MED16: variants seen among roughly 807,000 people sequenced by gnomAD.
MED16 encodes the protein mediator of RNA polymerase II transcription subunit 16.
Under a neutral mutation model 84.4 loss-of-function variants are expected in MED16, and 81 were observed. The ratio of observed to expected loss-of-function variants is 0.96; its 90% CI spans 0.80 to 1.15. The LOEUF (loss-of-function observed/expected upper bound fraction) is 1.15. Among genes scored for constraint, MED16 ranks in the 50% most tolerant of loss-of-function variants. MED16 has a pLI of 0.00. For synonymous variants in MED16, 897 were observed against 552.2 expected, an observed-to-expected ratio of 1.62 and a Z score of -8.76; for missense variants, 1,585 against 1,245.9, an observed-to-expected ratio of 1.27 and a Z score of -4.10.
At chr19:873,415 G>A in intron 11 of MED16, 34 bp downstream of exon 11, 2 of 1,591,286 alleles carry the variant, frequency 1.3e-6, no homozygotes, top group Non-Finnish European at 1.7e-6. Context: ...GGGCCCAGGT[G>A]GGGGGCGGGG....
chr19:886,413 G>A (rs2036529278), intron 4 of MED16, among the ~76,000 whole-genome samples: 1 of 152,246 alleles, frequency 6.6e-6, no homozygotes, highest in Non-Finnish European at 1.5e-5. Flanking sequence ...CGGCACCTTT[G>A]CTTTAGAGGA....
intron 9 of MED16, among the ~76,000 whole-genome samples, chr19:875,998 C>T (rs1389462185): frequency 6.6e-6 from 1 of 152,226 alleles, no homozygotes; most frequent in East Asian, 1.9e-4. Flanking sequence ...CACACAGCGA[C>T]GGCCCAAGGA....
Position 885,805 on chromosome 19 carries a change from G to C in MED16, c.844C>G (p.His282Asp), listed in dbSNP as rs758891329. 1.8e-5 allele frequency: 29 copies of C among 1,612,336 alleles called. No homozygotes were observed. The highest frequency in any genetic ancestry group is 2.5e-5 in the Non-Finnish European group (29 of 1,179,912). ...ATGTCCCGGGCCAGGAACTTGAGGT[G>C]GGTGATGGCGGGAAACTTGTCCTTG... Reference protein sequence around the residue: ...NRKDKFPAITHLKFLARDMSE... With the variant: ...NRKDKFPAITDLKFLARDMSE... The change falls in exon 5 of 16, where the codon CAC (histidine) becomes GAC (aspartate). Residue 282 changes from histidine to aspartate, a missense_variant. Transcript: ENST00000325464.
At position 868,100 on chromosome 19, in the gene MED16, G is replaced by A. The variant is rs144537136; in HGVS notation, c.*1C>T. 272 of 1,605,740 alleles carry A rather than the reference G, an allele frequency of 1.7e-4. No individual in the cohort carries two copies. Among genetic ancestry groups the A allele is most frequent in the East Asian group, 2.9e-4 (13 of 44,860 alleles). ...ACAAGGTCCGCCTGGACCCCCGGCC[G>A]TCACGGACGGTCCTCTGGATGCAGA... On this transcript the variant is annotated 3_prime_UTR_variant, in exon 16 of 16. Transcript: ENST00000325464.
chr19:886,120 C>G lies in MED16; in HGVS notation c.529G>C (p.Glu177Gln), dbSNP rs1327045966. ...SLTLFGGKPM[E>Q]GWIAVTVSGL... Reference sequence around the variant, plus strand: ...CTGACCGTCACCGCGATCCAGCCCTCCATGGGCTTGCCGCCGAACAGCGTG... The same window carrying G: ...CTGACCGTCACCGCGATCCAGCCCTGCATGGGCTTGCCGCCGAACAGCGTG... Residue 177 changes from glutamate to glutamine, a missense_variant, in exon 5 of 16, where the codon GAG (glutamate) becomes CAG (glutamine). Transcript: ENST00000325464. 4.4e-6 allele frequency: 7 copies of G among 1,577,704 alleles called. No homozygotes were observed. The highest frequency in any genetic ancestry group is 6.0e-6 in the Non-Finnish European group (7 of 1,165,324).
rs145483089 is a variant in MED16, at chr19:875,350, G to A, written c.1665C>T (p.Ala555=). The A allele has an allele frequency of 1.9e-4, 301 of 1,610,332 alleles. No homozygotes were observed. The highest frequency in any genetic ancestry group is 2.3e-4 in the Non-Finnish European group (277 of 1,179,808). The change falls in exon 10 of 16, where the codon GCC becomes GCT. Residue 555 remains alanine (A), a synonymous_variant. Coordinates refer to ENST00000325464, the MANE Select transcript of MED16 (RefSeq NM_005481.3). ...GCAGCGACTTCAGGGTGGAGCTGATGGCGATGAGGAAGAGCTTGGTGTGGT... is the reference window on the plus strand; with the variant it reads ...GCAGCGACTTCAGGGTGGAGCTGATAGCGATGAGGAAGAGCTTGGTGTGGT... The part of the protein sequence containing the change: ...CDYHTKLFLI[A]ISSTLKSLLR...
At chr19:890,471 G>C in intron 2 of MED16, 1 of 448,536 alleles carries the variant, frequency 2.2e-6, no homozygotes, top group Non-Finnish European at 4.0e-6. Context: ...AGAAGAAAAT[G>C]ACTCCGAAAT....
rs1357331086 is a variant in MED16, at chr19:871,174, G to A, written c.2178C>T (p.Ile726=). 6.5e-6 allele frequency: 10 copies of A among 1,549,324 alleles called. No homozygotes were observed. In the Admixed American group the frequency reaches 7.8e-5, roughly 12 times the overall value. Residue 726 remains isoleucine, a synonymous_variant, in exon 13 of 16, where the codon ATC becomes ATT. Transcript: ENST00000325464. The part of the protein sequence containing the change: ...ECCLLPSQLL[I]PSLDWLPASD... ...TGGCTGGCAGCCAGTCCAGGCTGGGGATAAGCAGCTGGCTGGGCAGCAGGC... is the reference window on the plus strand; with the variant it reads ...TGGCTGGCAGCCAGTCCAGGCTGGGAATAAGCAGCTGGCTGGGCAGCAGGC...
chr19:868,976 G>A (rs868462682), intron 13 of MED16, 30 bp from the exon 14 acceptor site: 2 of 1,516,112 alleles, frequency 1.3e-6, no homozygotes, highest in East Asian at 2.5e-5. Context: ...CGTGAGGGAG[G>A]CCTGGGCACC....
chr19:886,264 C>T, intron 4 of MED16, 63 bp from the exon 5 acceptor site: 1 of 1,378,018 alleles, frequency 7.3e-7, no homozygotes, highest in Non-Finnish European at 9.6e-7. Flanking sequence ...CCCATGACCC[C>T]CAGAAACACG....
chr19:886,249 G>A (rs757852933), intron 4 of MED16, 48 bp from the exon 5 acceptor site: 36 of 1,429,270 alleles, frequency 2.5e-5, no homozygotes, highest in Non-Finnish European at 3.1e-5. Context: ...GCTCATGGGG[G>A]CTGCCCCATG....
At chr19:874,130 TTGAGACAGAGTCTCACTCTGTC>T (rs202050513) in intron 10 of MED16, among the ~76,000 whole-genome samples, 9,604 of 152,006 alleles carry the variant, frequency 0.063, 323 homozygotes, top group Non-Finnish European at 0.078. Context: ...AATTTTTTTT[TTGAGACAGAGTCTCACTCTGTC>T]GCCCAGGCTG....
chr19:885,673 C>T (rs991201104), intron 5 of MED16, 97 bp downstream of exon 5: 1 of 1,391,162 alleles, frequency 7.2e-7, no homozygotes, highest in Non-Finnish European at 9.8e-7. Flanking sequence ...CACGGTTTAG[C>T]CCGTGGAGGC....
intron 8 of MED16, 116 bp from the exon 9 acceptor site, chr19:877,296 G>A (rs941930057): frequency 3.1e-5 from 22 of 714,034 alleles, no homozygotes; most frequent in South Asian, 5.2e-5. Context: ...GCGCACGCCC[G>A]TGTGTGGGCC....
intron 9 of MED16, among the ~76,000 whole-genome samples, chr19:875,923 G>A (rs1053703080): frequency 3.9e-5 from 6 of 152,172 alleles, no homozygotes; most frequent in African/African-American, 1.2e-4. Context: ...GAGAGCCTGT[G>A]CAACGTAGGA....
At chr19:885,749 T>C (rs747218700) in intron 5 of MED16, 21 bp downstream of exon 5, 4 of 1,597,336 alleles carry the variant, frequency 2.5e-6, no homozygotes, top group Admixed American at 3.3e-5. Flanking sequence ...CCAGCCCACG[T>C]GATGGCCTGC....
intron 6 of MED16, among the ~76,000 whole-genome samples, chr19:883,186 G>A (rs2036454915): frequency 6.6e-6 from 1 of 152,240 alleles, no homozygotes; most frequent in African/African-American, 2.4e-5. Flanking sequence ...TGCTAAGTGG[G>A]GATGTGGGGC....
intron 4 of MED16, among the ~76,000 whole-genome samples, chr19:887,415 C>T (rs1438613153): frequency 1.3e-5 from 2 of 152,018 alleles, no homozygotes; most frequent in African/African-American, 4.8e-5. Context: ...CGCCTGTAAT[C>T]TCAGCACTTT....
chr19:890,127 A>G lies in MED16; in HGVS notation c.277+10T>C. On this transcript the variant is annotated intron_variant, in intron 3 of 15. Transcript: ENST00000325464. ...TCGCCACCCCTGGCCACGTGGGACC[A>G]GCGCCTCACCTGACTGGTCCCACTC... The G allele has an allele frequency of 6.5e-7, 1 of 1,541,596 alleles. No individual in the cohort carries two copies. The highest frequency in any genetic ancestry group is 8.8e-7 in the Non-Finnish European group (1 of 1,141,962).
Sources: allele counts gnomAD v4.1 joint callset (sites outside exome capture counted in the v4.1 genomes callset), GRCh38; gene constraint gnomAD v4.1.1; transcripts MANE v1.5; gene names NCBI Gene and HGNC (gene_info 2026-07-23, HGNC 2026-07-21).